The following LRRC75A variants were observed in gnomAD, a reference collection of about 807,000 sequenced individuals.
LRRC75A encodes the protein leucine rich repeat containing 75A.
Under a neutral mutation model 26.0 loss-of-function variants are expected in LRRC75A, and 12 were observed. The ratio of observed to expected loss-of-function variants is 0.46; its 90% CI spans 0.30 to 0.75. LRRC75A has a LOEUF of 0.75. Ranked by LOEUF, LRRC75A falls within the 30% of genes least tolerant of loss-of-function variation. LRRC75A has a pLI of 0.08. For synonymous variants in LRRC75A, 223 were observed against 219.3 expected (o/e 1.02, Z -0.15); for missense variants, 410 against 486.6 (o/e 0.84, Z 1.48).
At chr17:16,471,304 C>G (rs1259984773) in intron 1 of LRRC75A, among the ~76,000 whole-genome samples, 1 of 152,222 alleles carries the variant, frequency 6.6e-6, no homozygotes, top group African/African-American at 2.4e-5. Context: ...TGCCGACACT[C>G]TCATCTCAGA....
intron 1 of LRRC75A, among the ~76,000 whole-genome samples, chr17:16,466,269 C>G (rs1470217771): frequency 6.6e-6 from 1 of 152,234 alleles, no homozygotes; most frequent in Non-Finnish European, 1.5e-5. Context: ...TCTCAGGAGG[C>G]TGCAGCCTGG....
At chr17:16,489,525 C>A (rs1254867811) in intron 1 of LRRC75A, among the ~76,000 whole-genome samples, 1 of 152,216 alleles carries the variant, frequency 6.6e-6, no homozygotes, top group African/African-American at 2.4e-5. Context: ...GAGAAGGAAA[C>A]TGGAATGGAA....
At chr17:16,472,819 C>T (rs2093810771) in intron 1 of LRRC75A, among the ~76,000 whole-genome samples, 1 of 152,142 alleles carries the variant, frequency 6.6e-6, no homozygotes, top group Non-Finnish European at 1.5e-5. Flanking sequence ...TAATAGTCAT[C>T]ATATTTATCA....
At chr17:16,448,302 G>A (rs992040236) in intron 2 of LRRC75A, 2 of 355,018 alleles carry the variant, frequency 5.6e-6, no homozygotes, top group East Asian at 7.3e-5. Flanking sequence ...GTCCAGGGCC[G>A]CTCTGTGCAT....
In LRRC75A at chr17:16,462,506, G is replaced by A; in HGVS notation, c.247-120C>T. 2.2e-6 allele frequency: 3 copies of A among 1,362,070 alleles called. No individual in the cohort carries two copies. The highest frequency in any genetic ancestry group is 4.4e-5 in the Admixed American group (2 of 45,326). The allele number at this position is 1,362,070 out of a possible 1,614,324, so 84.4% of individuals were successfully genotyped here. ...ACTCTGCCTCCCAGAGCCCCGGTGG[G>A]GAGCATCTGCAGAACTTCCCTCAGG... On this transcript the variant is annotated intron_variant, in intron 1 of 3. Transcript: ENST00000470794. The surrounding 1 kb of genome is among the most constrained non-coding windows in gnomAD (Gnocchi z 4.6).
chr17:16,484,468 C>T (rs1418212784), intron 1 of LRRC75A, among the ~76,000 whole-genome samples: 1 of 152,162 alleles, frequency 6.6e-6, no homozygotes, highest in Non-Finnish European at 1.5e-5. Flanking sequence ...AATGCCTGCT[C>T]TCCTGCCCAA....
At chr17:16,488,113 A>C (rs2093850612) in intron 1 of LRRC75A, among the ~76,000 whole-genome samples, 1 of 152,210 alleles carries the variant, frequency 6.6e-6, no homozygotes, top group African/African-American at 2.4e-5. Context: ...CTCACCCTCA[A>C]GGTGGCCTGG....
rs2093856017 is a variant in LRRC75A at position 16,491,009 on chromosome 17, A to G, written c.246+736T>C. 6.6e-6 allele frequency among the ~76,000 whole-genome samples: 1 copy of G among 152,242 alleles called. No individual in the cohort carries two copies. The highest frequency in any genetic ancestry group is 1.5e-5 in the Non-Finnish European group (1 of 68,038). Reference sequence around the variant, plus strand: ...TAGCCTCAGGGCAGCCCCAAAGCAGAGGGAACTGGCCAATTCCGCAACATC... The same window carrying G: ...TAGCCTCAGGGCAGCCCCAAAGCAGGGGGAACTGGCCAATTCCGCAACATC... On this transcript the variant is annotated intron_variant, in intron 1 of 3. Coordinates refer to ENST00000470794, the MANE Select transcript of LRRC75A (RefSeq NM_001113567.3). The surrounding 1 kb of genome is among the most constrained non-coding windows in gnomAD (Gnocchi z 5.9).
chr17:16,472,299 G>C (rs536228179), intron 1 of LRRC75A, among the ~76,000 whole-genome samples: 1 of 152,044 alleles, frequency 6.6e-6, no homozygotes, highest in Admixed American at 6.6e-5. Context: ...ACAAGATGTG[G>C]GGCCTGGCGA....
chr17:16,482,788 C>T lies in LRRC75A; in HGVS notation c.246+8957G>A, dbSNP rs576653258. On this transcript the variant is annotated intron_variant, in intron 1 of 3. Coordinates refer to ENST00000470794, the MANE Select transcript of LRRC75A (RefSeq NM_001113567.3). ...CCCTTCTAGAAATTAGCATCTTGGCCGGCCCTGCTTTCCCTACTTGTCCCA... is the reference window on the plus strand; with the variant it reads ...CCCTTCTAGAAATTAGCATCTTGGCTGGCCCTGCTTTCCCTACTTGTCCCA... 3.9e-5 allele frequency among the ~76,000 whole-genome samples: 6 copies of T among 152,224 alleles called. No homozygotes were observed. The South Asian group carries it at 6.2e-4, about 16-fold the overall frequency.
intron 1 of LRRC75A, among the ~76,000 whole-genome samples, chr17:16,488,284 T>G (rs777190877): frequency 5.3e-5 from 8 of 152,236 alleles, no homozygotes; most frequent in Non-Finnish European, 7.3e-5. Flanking sequence ...CAAAGCTGGC[T>G]TGTTTTATCT....
intron 1 of LRRC75A, among the ~76,000 whole-genome samples, chr17:16,476,899 T>G (rs552464927): frequency 9.0e-4 from 137 of 151,968 alleles, no homozygotes; most frequent in Non-Finnish European, 1.8e-3. Context: ...CCACCACGCC[T>G]GGCTAATTTT....
chr17:16,476,775 A>G lies in LRRC75A; in HGVS notation c.247-14389T>C, dbSNP rs556248823. Among the ~76,000 whole-genome samples the G allele has an allele frequency of 6.6e-3, 741 of 112,592 alleles. 7 individuals are homozygous for G. Among genetic ancestry groups the G allele is most frequent in the Middle Eastern group, 0.031 (3 of 98 alleles). 73.9% of individuals were successfully genotyped at this position (112,592 alleles called of 152,430 possible). A position where few individuals can be genotyped will look rare whatever the true frequency, so the allele number is the denominator to read the frequency against. ...TTTTTTTGAGACAGAGTCTTGCTCT[A>G]TCACCCAGGCTGGAGTGCAGTAGCA... is the stretch of plus-strand genomic sequence containing the variant. On this transcript the variant is annotated intron_variant, in intron 1 of 3. Transcript: ENST00000470794.
At position 16,448,215 on chromosome 17, in the gene LRRC75A, C is replaced by T. The variant is rs147047205; in HGVS notation, c.376-255G>A. 1.3e-3 allele frequency: 583 copies of T among 447,122 alleles called. 1 individual carries two copies. Among genetic ancestry groups the T allele is most frequent in the African/African-American group, 0.011 (538 of 50,008 alleles). The allele number at this position is 447,122 out of a possible 1,614,324, so 27.7% of individuals were successfully genotyped here. A position where few individuals can be genotyped will look rare whatever the true frequency, so the allele number is the denominator to read the frequency against. ...TATGTAAGTCTGGATTCCAGGAGAT[C>T]GGACAAAAGTTGGCTGGAGCCAAGT... On this transcript the variant is annotated intron_variant, in intron 2 of 3. Coordinates refer to ENST00000470794, the MANE Select transcript of LRRC75A (RefSeq NM_001113567.3).
chr17:16,476,505 C>A (rs1025971199), intron 1 of LRRC75A, among the ~76,000 whole-genome samples: 29 of 151,904 alleles, frequency 1.9e-4, no homozygotes, highest in Admixed American at 7.2e-4. Context: ...AGCCACTGCA[C>A]CTGGCTTTAT....
rs1283130655 is a variant in LRRC75A at position 16,462,425 on chromosome 17, G to A, written c.247-39C>T. 19 of 1,610,974 alleles carry A rather than the reference G, an allele frequency of 1.2e-5. No individual in the cohort carries two copies. Among genetic ancestry groups the A allele is most frequent in the African/African-American group, 2.7e-5 (2 of 74,916 alleles). On this transcript the variant is annotated intron_variant, in intron 1 of 3. Transcript: ENST00000470794. This position sits in a 1 kb window ranked among gnomAD's most constrained non-coding sequence, Gnocchi z 4.6. ...GGATGCCCAGAGGTCAGGGCTGGCT[G>A]CCCACCCAGCTCGCCCACCATCCCC...
At chr17:16,466,702 C>T (rs2093771847) in intron 1 of LRRC75A, among the ~76,000 whole-genome samples, 1 of 152,116 alleles carries the variant, frequency 6.6e-6, no homozygotes, top group African/African-American at 2.4e-5. Flanking sequence ...CACAGCAGCA[C>T]ACGGCATTTC....
At position 16,447,832 on chromosome 17, in the gene LRRC75A, G is replaced by A; in HGVS notation, c.491+13C>T. 2 of 1,525,692 alleles carry A rather than the reference G, an allele frequency of 1.3e-6. No individual in the cohort carries two copies. Among genetic ancestry groups the A allele is most frequent in the Non-Finnish European group, 1.8e-6 (2 of 1,130,410 alleles). 94.5% of individuals were successfully genotyped at this position (1,525,692 alleles called of 1,614,324 possible). A position where few individuals can be genotyped will look rare whatever the true frequency, so the allele number is the denominator to read the frequency against. On this transcript the variant is annotated intron_variant, in intron 3 of 3. Coordinates refer to ENST00000470794, the MANE Select transcript of LRRC75A (RefSeq NM_001113567.3). Reference sequence around the variant, plus strand: ...CAGCCTGGCATAGACCTGCCCGGGGGAGTGTAACTCACCAGGCCTGTGGCT... The same window carrying A: ...CAGCCTGGCATAGACCTGCCCGGGGAAGTGTAACTCACCAGGCCTGTGGCT...
Position 16,492,037 on chromosome 17 carries a change from G to C in LRRC75A, c.-47C>G. 2.7e-6 allele frequency: 3 copies of C among 1,113,832 alleles called. No homozygotes were observed. The highest frequency in any genetic ancestry group is 3.3e-6 in the Non-Finnish European group (3 of 914,608). The allele number at this position is 1,113,832 out of a possible 1,614,324, so 69.0% of individuals were successfully genotyped here. A position where few individuals can be genotyped will look rare whatever the true frequency, so the allele number is the denominator to read the frequency against. ...TCTCCGCTCTGGGCCGCGAGGCCGC[G>C]TCCCCGCCAACCGCCCGCCCCTCGG... On this transcript the variant is annotated 5_prime_UTR_variant, in exon 1 of 4. Transcript: ENST00000470794.
Sources: allele counts gnomAD v4.1 joint callset (sites outside exome capture counted in the v4.1 genomes callset), GRCh38; gene constraint gnomAD v4.1.1; non-coding constraint Gnocchi (gnomAD v3.1); transcripts MANE v1.5; gene names NCBI Gene and HGNC (gene_info 2026-07-23, HGNC 2026-07-21).